The following CUEDC1 variants were observed in gnomAD, a reference collection of about 807,000 sequenced individuals.
CUEDC1 encodes the protein CUE domain containing 1.
In CUEDC1, 30 loss-of-function variants were observed where a neutral mutation model predicts 43.7. The ratio of observed to expected loss-of-function variants is 0.69; its 90% CI spans 0.51 to 0.93. The LOEUF (loss-of-function observed/expected upper bound fraction) is 0.93. Ranked by LOEUF, CUEDC1 falls within the 40% of genes least tolerant of loss-of-function variation. CUEDC1 has a pLI of 0.00. For synonymous variants in CUEDC1, 223 were observed against 223.6 expected, an observed-to-expected ratio of 1.00 and a Z score of 0.02; for missense variants, 486 against 549.0, an observed-to-expected ratio of 0.89 and a Z score of 1.15.
chr17:57,916,953 AGG>A (rs1404825471), intron 1 of CUEDC1, among the ~76,000 whole-genome samples: 2 of 151,728 alleles, frequency 1.3e-5, no homozygotes, highest in Non-Finnish European at 2.9e-5. Context: ...GAGGGGATGG[AGG>A]GGTGGGGACT....
intron 1 of CUEDC1, among the ~76,000 whole-genome samples, chr17:57,937,928 C>A (rs1284161738): frequency 6.6e-6 from 1 of 151,888 alleles, no homozygotes; most frequent in Non-Finnish European, 1.5e-5. Context: ...AAAAATAAAT[C>A]TAAAATTCTG....
intron 1 of CUEDC1, among the ~76,000 whole-genome samples, chr17:57,931,626 G>A (rs78507265): frequency 0.05 from 7,594 of 152,252 alleles, 285 homozygotes; most frequent in Admixed American, 0.12. Context: ...CCGAGGGTGA[G>A]ACTGGGTATT....
At chr17:57,879,085 C>G (rs2074168431) in intron 3 of CUEDC1, among the ~76,000 whole-genome samples, 1 of 152,254 alleles carries the variant, frequency 6.6e-6, no homozygotes, top group South Asian at 2.1e-4. Flanking sequence ...GAGACTTGCT[C>G]TCATTGCTTA....
At chr17:57,875,486 G>C (rs1317875909) in intron 3 of CUEDC1, among the ~76,000 whole-genome samples, 1 of 152,198 alleles carries the variant, frequency 6.6e-6, no homozygotes, top group Non-Finnish European at 1.5e-5. Context: ...GTAGAGATGA[G>C]GTCAGCCCAC....
chr17:57,897,743 G>C (rs928202194), intron 1 of CUEDC1, among the ~76,000 whole-genome samples: 3 of 149,950 alleles, frequency 2.0e-5, no homozygotes, highest in Admixed American at 1.3e-4. Flanking sequence ...GGCCAGGCGC[G>C]GTAGCTCACG....
intron 1 of CUEDC1, among the ~76,000 whole-genome samples, chr17:57,932,113 A>AACAC (rs61166512): frequency 2.0e-5 from 3 of 150,124 alleles, no homozygotes; most frequent in Non-Finnish European, 3.0e-5. Flanking sequence ...CTCCACTAAA[A>AACAC]ACACACACAC....
chr17:57,939,276 A>G (rs1372714842), intron 1 of CUEDC1, among the ~76,000 whole-genome samples: 2 of 148,426 alleles, frequency 1.3e-5, no homozygotes, highest in Non-Finnish European at 3.0e-5. Flanking sequence ...CTAGCTTTTT[A>G]TTTTTTTGAG....
chr17:57,908,034 C>T (rs751160248), intron 1 of CUEDC1, among the ~76,000 whole-genome samples: 5 of 152,004 alleles, frequency 3.3e-5, no homozygotes, highest in African/African-American at 1.2e-4. Context: ...CGTTCACACA[C>T]GCATGCCCAC....
chr17:57,880,602 A>T (rs1388078947), intron 2 of CUEDC1, among the ~76,000 whole-genome samples: 1 of 152,136 alleles, frequency 6.6e-6, no homozygotes, highest in Non-Finnish European at 1.5e-5. Context: ...TGCTCCACTG[A>T]CCGACTTAGA....
At chr17:57,939,589 T>A (rs546462680) in intron 1 of CUEDC1, among the ~76,000 whole-genome samples, 1 of 152,148 alleles carries the variant, frequency 6.6e-6, no homozygotes, top group Non-Finnish European at 1.5e-5. Context: ...CTGAACAGCT[T>A]CTGGACGTGT....
chr17:57,884,192 C>CTTTTTTTTT (rs780667346), intron 2 of CUEDC1, among the ~76,000 whole-genome samples: 13 of 81,292 alleles, frequency 1.6e-4, no homozygotes, highest in Non-Finnish European at 1.8e-4. Context: ...TTTTTCTTTT[C>CTTTTTTTTT]TTTTTTTTTT....
intron 1 of CUEDC1, among the ~76,000 whole-genome samples, chr17:57,898,832 C>T (rs1323287540): frequency 1.3e-5 from 2 of 152,204 alleles, no homozygotes; most frequent in Non-Finnish European, 2.9e-5. Flanking sequence ...GCTGGGCCAG[C>T]AGCCCTGTGC....
At chr17:57,946,829 C>T (rs528342076) in intron 1 of CUEDC1, among the ~76,000 whole-genome samples, 49 of 152,268 alleles carry the variant, frequency 3.2e-4, no homozygotes, top group Middle Eastern at 3.4e-3. Context: ...ATCACCAGCC[C>T]GGTCTCTGGA....
In CUEDC1 at chr17:57,866,203, C is replaced by G. The variant is rs556640832; in HGVS notation, c.*3+271G>C. ...AACTGGACTGTAAACTCTTCAAGGT[C>G]AAAGCTGATTTTGTTTTCCTGTTCT... On this transcript the variant is annotated intron_variant, in intron 10 of 10. Coordinates refer to ENST00000577830, the MANE Select transcript of CUEDC1 (RefSeq NM_001271875.2). 7.2e-5 allele frequency among the ~76,000 whole-genome samples: 11 copies of G among 152,326 alleles called. No individual in the cohort carries two copies. In the East Asian group the frequency reaches 1.3e-3, roughly 19 times the overall value.
chr17:57,922,247 C>T (rs1368955346), intron 1 of CUEDC1: 3 of 152,142 alleles, frequency 2.0e-5, no homozygotes. Flanking sequence ...AAAACAAACA[C>T]AGTTGGGTGG....
At chr17:57,865,884 G>A (rs1461124536) in intron 10 of CUEDC1, among the ~76,000 whole-genome samples, 2 of 150,494 alleles carry the variant, frequency 1.3e-5, no homozygotes, top group Non-Finnish European at 1.5e-5. Flanking sequence ...GTGCAATGGC[G>A]CGATCTCAGC....
intron 1 of CUEDC1, among the ~76,000 whole-genome samples, chr17:57,901,044 T>C (rs1018119610): frequency 2.0e-5 from 3 of 152,222 alleles, no homozygotes; most frequent in Non-Finnish European, 2.9e-5. Context: ...ATGTGCTTTC[T>C]AACAAGCTCC....
intron 1 of CUEDC1, among the ~76,000 whole-genome samples, chr17:57,887,655 C>CTTTTTTTTTTTTGT (rs2074308376): frequency 1.7e-5 from 1 of 58,032 alleles, no homozygotes; most frequent in Admixed American, 2.7e-4. Context: ...CCACGCCTGG[C>CTTTTTTTTTTTTGT]TTTTTTTTTT....
At chr17:57,907,778 GAAGCTTGCAGTGAGC>G (rs1482199160) in intron 1 of CUEDC1, among the ~76,000 whole-genome samples, 2 of 148,236 alleles carry the variant, frequency 1.3e-5, no homozygotes, top group Non-Finnish European at 3.0e-5. Flanking sequence ...CCCGGGAGGT[GAAGCTTGCAGTGAGC>G]CGAGATCACG....
Sources: allele counts gnomAD v4.1 joint callset (sites outside exome capture counted in the v4.1 genomes callset), GRCh38; gene constraint gnomAD v4.1.1; transcripts MANE v1.5; gene names NCBI Gene and HGNC (gene_info 2026-07-23, HGNC 2026-07-21).